Variants in SENP2 observed in about 807,000 individuals in gnomAD.
The protein encoded by SENP2 is sentrin-specific protease 2.
SENP2 carries 16 observed loss-of-function variants against 86.3 expected under a neutral mutation model. That is an observed-to-expected ratio of 0.19 (90% CI 0.13 to 0.28). The LOEUF (loss-of-function observed/expected upper bound fraction) is 0.28. SENP2 is among the 10% of genes least tolerant of loss of function. The pLI, the probability that SENP2 is intolerant of heterozygous loss-of-function variation, is 1.00. For synonymous variants in SENP2, 222 were observed against 238.7 expected, an observed-to-expected ratio of 0.93 and a Z score of 0.64; for missense variants, 552 against 703.0, an observed-to-expected ratio of 0.79 and a Z score of 2.43.
rs1481759064 is a variant in SENP2, at chr3:185,586,485, G to A, written c.72G>A (p.Arg24=). The change falls in exon 1 of 17, where the codon CGG becomes CGA. Residue 24 remains arginine (R), a synonymous_variant. Transcript: ENST00000296257. The surrounding 1 kb of genome is among the most constrained non-coding windows in gnomAD (Gnocchi z 4.3). ...RFCDRSVPPA[R]ALLKRRRSDS... ...GCGACCGGTCGGTGCCCCCTGCCCG[G>A]GCCCTCCTGAAGAGGCGGCGCTCAG... 1 of 1,613,706 alleles carries A rather than the reference G, an allele frequency of 6.2e-7. No homozygotes were observed. Among genetic ancestry groups the A allele is most frequent in the Admixed American group, 1.7e-5 (1 of 60,032 alleles).
intron 10 of SENP2, 40 bp from the exon 11 acceptor site, chr3:185,614,524 A>G (rs372368329): frequency 1.6e-4 from 250 of 1,546,746 alleles, no homozygotes; most frequent in Non-Finnish European, 2.1e-4. Flanking sequence ...ATTTGCAAGT[A>G]TCAAACATGT....
chr3:185,620,585 G>A (rs1251570112), intron 13 of SENP2, among the ~76,000 whole-genome samples: 1 of 151,874 alleles, frequency 6.6e-6, no homozygotes, highest in African/African-American at 2.4e-5. Flanking sequence ...TGGGATTACA[G>A]GCACGTGCCA....
chr3:185,592,007 ATTTCTT>A (rs1279636900), intron 2 of SENP2, among the ~76,000 whole-genome samples: 35 of 35,114 alleles, frequency 1.0e-3, no homozygotes, highest in East Asian at 1.7e-3. Flanking sequence ...AACCGGTAAT[ATTTCTT>A]TTTTTTTTTT....
Position 185,586,449 on chromosome 3 carries a change from T to C in SENP2, c.36T>C (p.Ile12=). 1 of 1,614,032 alleles carries C rather than the reference T, an allele frequency of 6.2e-7. No homozygotes were observed. The highest frequency in any genetic ancestry group is 8.5e-7 in the Non-Finnish European group (1 of 1,179,990). ...YRWLVRILGT[I]FRFCDRSVPP... ...GGCTGGTTAGGATTCTCGGCACCAT[T>C]TTCCGTTTCTGCGACCGGTCGGTGC... is the stretch of plus-strand genomic sequence containing the variant. Residue 12 remains isoleucine (I), a synonymous_variant, in exon 1 of 17, where the codon ATT becomes ATC. Transcript: ENST00000296257. The surrounding 1 kb of genome is among the most constrained non-coding windows in gnomAD (Gnocchi z 4.3).
At chr3:185,596,634 A>AG (rs1560190639) in intron 2 of SENP2, among the ~76,000 whole-genome samples, 2 of 151,966 alleles carry the variant, frequency 1.3e-5, no homozygotes, top group African/African-American at 4.8e-5. Flanking sequence ...AAAAAAAAAA[A>AG]AGCTGCATAT....
chr3:185,631,431 C>CGCCTT lies in SENP2; in HGVS notation c.*1587_*1588insGCCTT, dbSNP rs1682518810. On this transcript the variant is annotated 3_prime_UTR_variant, in exon 17 of 17. Coordinates refer to ENST00000296257, the MANE Select transcript of SENP2 (RefSeq NM_021627.3). The stretch of plus-strand genomic sequence containing the variant: ...GCAGGTTGTACCACACCTCTCCCCC[C>CGCCTT]CCCCTCCCACTCCCCCTCCCTCCCT... 1 of 27,992 alleles carries CGCCTT rather than the reference C, an allele frequency of 3.6e-5. No homozygotes were observed. Among genetic ancestry groups the CGCCTT allele is most frequent in the African/African-American group, 1.7e-4 (1 of 5,786 alleles). 1.7% of individuals were successfully genotyped at this position (27,992 alleles called of 1,614,324 possible).
Position 185,589,074 on chromosome 3 carries a change from A to AT in SENP2, c.102-1028dup, listed in dbSNP as rs11345567. ...GGAATCCTGGGATCTCATTCTATTC[A>AT]TTTTTTTTTTTTGCATGTGTGAATA... On this transcript the variant is annotated intron_variant, in intron 1 of 16. Transcript: ENST00000296257. Among the ~76,000 whole-genome samples, 2,420 of 145,582 alleles carry AT rather than the reference A, an allele frequency of 0.017. 133 individuals carry two copies. The East Asian group carries it at 0.18, about 11-fold the overall frequency.
At chr3:185,616,082 C>T (rs1428666366) in intron 11 of SENP2, among the ~76,000 whole-genome samples, 3 of 148,516 alleles carry the variant, frequency 2.0e-5, no homozygotes, top group African/African-American at 7.4e-5. Flanking sequence ...AGGCTGGTCT[C>T]GAACTCCTGA....
chr3:185,625,324 G>A (rs1005707665), intron 15 of SENP2, among the ~76,000 whole-genome samples: 3 of 152,090 alleles, frequency 2.0e-5, no homozygotes, highest in African/African-American at 7.2e-5. Flanking sequence ...TGTTAGCCAG[G>A]ATGGTCTTGA....
chr3:185,625,377 C>T (rs968314468), intron 15 of SENP2, among the ~76,000 whole-genome samples: 1 of 152,184 alleles, frequency 6.6e-6, no homozygotes, highest in Non-Finnish European at 1.5e-5. Flanking sequence ...TCCCAAAGTG[C>T]TGGGATTACA....
At chr3:185,616,432 C>T (rs1208050686) in intron 11 of SENP2, among the ~76,000 whole-genome samples, 1 of 147,068 alleles carries the variant, frequency 6.8e-6, no homozygotes, top group Non-Finnish European at 1.5e-5. Flanking sequence ...GATCATGCAG[C>T]TGCATGCACT....
chr3:185,604,375 G>C (rs1361949112), intron 5 of SENP2, among the ~76,000 whole-genome samples: 7 of 152,172 alleles, frequency 4.6e-5, no homozygotes, highest in Admixed American at 4.6e-4. Flanking sequence ...GATGTTCCAT[G>C]TACACTTGAA....
chr3:185,601,592 T>C (rs1372890105), intron 5 of SENP2, among the ~76,000 whole-genome samples: 1 of 152,010 alleles, frequency 6.6e-6, no homozygotes, highest in African/African-American at 2.4e-5. Context: ...TTAGACCTTC[T>C]AGATTGATCT....
Position 185,606,458 on chromosome 3 carries a change from G to A in SENP2, c.578G>A (p.Ser193Asn). ...QAVTEMISEE[S>N]GKGLRRPHCT... ...GTAACAGAGATGATTTCTGAAGAGA[G>A]TGGCAAGGGTCTGAGGCGTCCCCAT... The change falls in exon 6 of 17, where the codon AGT becomes AAT. Residue 193 changes from serine (S) to asparagine (N), a missense_variant. Coordinates refer to ENST00000296257, the MANE Select transcript of SENP2 (RefSeq NM_021627.3). 1 of 1,613,870 alleles carries A rather than the reference G, an allele frequency of 6.2e-7. No homozygotes were observed.
chr3:185,594,350 G>A (rs2148981732), intron 2 of SENP2, among the ~76,000 whole-genome samples: 1 of 152,264 alleles, frequency 6.6e-6, no homozygotes, highest in Non-Finnish European at 1.5e-5. Context: ...GGTAAGCGGT[G>A]GGTAGCAGAG....
Position 185,613,386 on chromosome 3 carries a change from G to A in SENP2, c.911G>A (p.Gly304Glu). The A allele has an allele frequency of 6.3e-7, 1 of 1,593,170 alleles. No individual in the cohort carries two copies. Among genetic ancestry groups the A allele is most frequent in the African/African-American group, 1.3e-5 (1 of 74,296 alleles). Residue 304 changes from glycine to glutamate, a missense_variant, in exon 10 of 17, where the codon GGA becomes GAA. By Grantham distance (98) the Gly-to-Glu change is moderately conservative (BLOSUM62 -2). Transcript: ENST00000296257. ...ATTACTGATACAGAGACGATGGTCGGAATCAGATTTGAAAATGAAAGTGTA... is the reference window on the plus strand; with the variant it reads ...ATTACTGATACAGAGACGATGGTCGAAATCAGATTTGAAAATGAAAGTGTA... Reference protein sequence around the residue: ...GKITDTETMVGIRFENESRRG... With the variant: ...GKITDTETMVEIRFENESRRG...
intron 11 of SENP2, among the ~76,000 whole-genome samples, chr3:185,616,746 G>T (rs1344117800): frequency 6.8e-6 from 1 of 146,210 alleles, no homozygotes; most frequent in East Asian, 2.0e-4. Flanking sequence ...CTGCACTCCG[G>T]CCTGGGAGAC....
chr3:185,629,102 T>G (rs1712291540), intron 16 of SENP2, among the ~76,000 whole-genome samples: 1 of 152,186 alleles, frequency 6.6e-6, no homozygotes, highest in Non-Finnish European at 1.5e-5. Context: ...GTTTTTTATT[T>G]AAATAAATAC....
chr3:185,624,292 C>T (rs1712039294), intron 15 of SENP2, among the ~76,000 whole-genome samples: 1 of 151,876 alleles, frequency 6.6e-6, no homozygotes, highest in South Asian at 2.1e-4. Context: ...GCTGGGATTA[C>T]AGGTGTGAGC....
Sources: allele counts gnomAD v4.1 joint callset (sites outside exome capture counted in the v4.1 genomes callset), GRCh38; gene constraint gnomAD v4.1.1; non-coding constraint Gnocchi (gnomAD v3.1); transcripts MANE v1.5; gene names NCBI Gene and HGNC (gene_info 2026-07-23, HGNC 2026-07-21).